PCDHGA2: variants seen among roughly 807,000 people sequenced by gnomAD.
PCDHGA2 encodes protocadherin gamma subfamily A, 2.
PCDHGA2 carries 40 observed loss-of-function variants against 59.2 expected under a neutral mutation model. The ratio of observed to expected loss-of-function variants is 0.68; its 90% confidence interval spans 0.52 to 0.88. PCDHGA2 has a LOEUF of 0.88. Among genes scored for constraint, PCDHGA2 ranks in the 40% least tolerant of loss-of-function variants. PCDHGA2 has a pLI of 0.00. For missense variants in PCDHGA2, 1,226 were observed against 1,204.0 expected (o/e 1.02, Z -0.27); for synonymous variants, 560 against 526.0 (o/e 1.06, Z -0.89).
At position 141,487,030 on chromosome 5, in the gene PCDHGA2, T is replaced by C. The variant is rs773121109; in HGVS notation, c.2425-7777T>C. Reference sequence around the variant, plus strand: ...TGGAGGCCCCAGATCCCAGCCTGTTTGCAGTCTCTCGATATGCTGGGGAGG... The same window carrying C: ...TGGAGGCCCCAGATCCCAGCCTGTTCGCAGTCTCTCGATATGCTGGGGAGG... On this transcript the variant is annotated intron_variant, in intron 1 of 3. Coordinates refer to ENST00000394576, the MANE Select transcript of PCDHGA2 (RefSeq NM_018915.4). The surrounding 1 kb of genome is among the most constrained non-coding windows in gnomAD (Gnocchi z 5.0). 12 of 1,614,100 alleles carry C rather than the reference T, an allele frequency of 7.4e-6. No homozygotes were observed. Among genetic ancestry groups the C allele is most frequent in the Non-Finnish European group, 1.0e-5 (12 of 1,180,044 alleles).
chr5:141,390,179 A>G (rs1561630532), intron 1 of PCDHGA2: 1 of 1,614,044 alleles, frequency 6.2e-7, no homozygotes, highest in African/African-American at 1.3e-5. Flanking sequence ...TTAATTTCCT[A>G]AAATGTAGTG....
intron 1 of PCDHGA2, chr5:141,374,063 G>A (rs1770069063): frequency 6.7e-7 from 1 of 1,495,954 alleles, no homozygotes; most frequent in South Asian, 1.4e-5. Context: ...TAATCCCAGA[G>A]AAGTTCCTAA....
At chr5:141,350,149 C>A in intron 1 of PCDHGA2, 1 of 929,394 alleles carries the variant, frequency 1.1e-6, no homozygotes, top group Non-Finnish European at 1.5e-6. Context: ...TCCTGTTCAC[C>A]CTCGAGCGCC....
At chr5:141,418,015 G>T (rs1385008648) in intron 1 of PCDHGA2, 1 of 1,613,964 alleles carries the variant, frequency 6.2e-7, no homozygotes, top group Non-Finnish European at 8.5e-7. Context: ...ACCTCGCTAA[G>T]GATCTAGGGC....
rs1024798662 is a variant in PCDHGA2 at position 141,340,652 on chromosome 5, G to A, written c.1681G>A (p.Glu561Lys). The A allele has an allele frequency of 1.2e-6, 2 of 1,614,204 alleles. No homozygotes were observed. The highest frequency in any genetic ancestry group is 2.2e-5 in the East Asian group (1 of 44,876). The change falls in exon 1 of 4, where the codon GAG (glutamate) becomes AAG (lysine). Residue 561 changes from glutamate (E) to lysine (K), a missense_variant. Transcript: ENST00000394576. ...GCTGGACCAGAACGACAACGCGCCCGAGATCCTGTACCCTGCCTTCCCCAC... is the reference window on the plus strand; with the variant it reads ...GCTGGACCAGAACGACAACGCGCCCAAGATCCTGTACCCTGCCTTCCCCAC... ...FVLDQNDNAP[E>K]ILYPAFPTDG...
chr5:141,433,328 G>C, intron 1 of PCDHGA2: 1 of 724,580 alleles, frequency 1.4e-6, no homozygotes, highest in Non-Finnish European at 2.3e-6. Context: ...GGTGTAACAG[G>C]GACTACAGGT....
At chr5:141,456,259 C>T (rs1456888951) in intron 1 of PCDHGA2, among the ~76,000 whole-genome samples, 1 of 152,122 alleles carries the variant, frequency 6.6e-6, no homozygotes, top group Non-Finnish European at 1.5e-5. Flanking sequence ...GCGACCATTG[C>T]TTCTGGCTAC....
intron 1 of PCDHGA2, chr5:141,395,163 G>A: frequency 6.2e-7 from 1 of 1,614,160 alleles, no homozygotes; most frequent in Middle Eastern, 1.6e-4. Flanking sequence ...CAGTCAGGAG[G>A]GCTGTGAGAA....
At chr5:141,415,467 C>T (rs754252558) in intron 1 of PCDHGA2, 2 of 1,614,080 alleles carry the variant, frequency 1.2e-6, no homozygotes, top group African/African-American at 1.3e-5. Context: ...TCTCTCTCAC[C>T]GCGGACTCGC....
At chr5:141,443,392 T>A (rs151260637) in intron 1 of PCDHGA2, among the ~76,000 whole-genome samples, 1 of 151,662 alleles carries the variant, frequency 6.6e-6, no homozygotes, top group Non-Finnish European at 1.5e-5. Context: ...GGCTGAGGTG[T>A]GAGGATCACC....
rs189405542 is a variant in PCDHGA2, at chr5:141,370,398, G to A, written c.2424+29003G>A. On this transcript the variant is annotated intron_variant, in intron 1 of 3. Transcript: ENST00000394576. ...AGGCAAAGGCGCAGAGAGCGGGATG[G>A]GAAATAGCTCCGGATGGAGGGGCCC... 5 of 1,550,336 alleles carry A rather than the reference G, an allele frequency of 3.2e-6. No individual in the cohort carries two copies. In the Admixed American group the frequency reaches 1.0e-4, roughly 32 times the overall value.
chr5:141,476,049 C>T lies in PCDHGA2; in HGVS notation c.2425-18758C>T. 2.0e-6 allele frequency: 3 copies of T among 1,501,848 alleles called. No homozygotes were observed. The South Asian group carries it at 4.0e-5, about 20-fold the overall frequency. 93.0% of individuals were successfully genotyped at this position (1,501,848 alleles called of 1,614,324 possible). ...CGCCCAGCGCCCAAGCGCTAACCCG[C>T]TGAAAGTTTCTCAGCGAAATCTCAG... On this transcript the variant is annotated intron_variant, in intron 1 of 3. Coordinates refer to ENST00000394576, the MANE Select transcript of PCDHGA2 (RefSeq NM_018915.4). This position sits in a 1 kb window ranked among gnomAD's most constrained non-coding sequence, Gnocchi z 7.6.
intron 1 of PCDHGA2, chr5:141,350,974 G>A (rs776132463): frequency 9.9e-6 from 16 of 1,614,096 alleles, no homozygotes; most frequent in Non-Finnish European, 1.4e-5. Flanking sequence ...ATGCTCCCGT[G>A]TTTAGCCAGG....
intron 1 of PCDHGA2, chr5:141,395,029 AT>A: frequency 6.2e-7 from 1 of 1,613,976 alleles, no homozygotes. Context: ...CCTGCCTCAC[AT>A]TTTGTGGGTG....
At chr5:141,414,270 T>G in intron 1 of PCDHGA2, 1 of 1,613,476 alleles carries the variant, frequency 6.2e-7, no homozygotes, top group Non-Finnish European at 8.5e-7. Context: ...AAGATTCACC[T>G]CTGGGAACAG....
intron 3 of PCDHGA2, among the ~76,000 whole-genome samples, chr5:141,508,841 C>A (rs969875150): frequency 6.6e-6 from 1 of 152,140 alleles, no homozygotes; most frequent in East Asian, 1.9e-4. Context: ...TCCCCTACCC[C>A]TTCCATTCCC....
At chr5:141,374,961 G>C (rs1770983787) in intron 1 of PCDHGA2, 1 of 1,614,028 alleles carries the variant, frequency 6.2e-7, no homozygotes, top group Non-Finnish European at 8.5e-7. Flanking sequence ...CAAATTTTCT[G>C]TTTGAATGTT....
Position 141,414,630 on chromosome 5 carries a change from C to A in PCDHGA2, c.2424+73235C>A. On this transcript the variant is annotated intron_variant, in intron 1 of 3. Coordinates refer to ENST00000394576, the MANE Select transcript of PCDHGA2 (RefSeq NM_018915.4). ...CAGTGACAGCGCTGGACCCGGACAG[C>A]AAAGAGAATGCCCAGATTATTTACT... 2 of 1,613,980 alleles carry A rather than the reference C, an allele frequency of 1.2e-6. No individual in the cohort carries two copies. Among genetic ancestry groups the A allele is most frequent in the Non-Finnish European group, 1.7e-6 (2 of 1,179,892 alleles).
At chr5:141,383,916 T>A in intron 1 of PCDHGA2, 1 of 1,613,968 alleles carries the variant, frequency 6.2e-7, no homozygotes, top group Non-Finnish European at 8.5e-7. Context: ...CAGTTTTAGA[T>A]GTAAATGATA....
Sources: gnomAD v4.1 joint callset for allele counts (sites outside exome capture counted in the v4.1 genomes callset) on GRCh38, gnomAD v4.1.1 for gene constraint, Gnocchi (gnomAD v3.1) non-coding constraint, MANE v1.5 for transcripts, NCBI Gene and HGNC (gene_info 2026-07-23, HGNC 2026-07-21) for gene names.